The following NBR1 variants were observed in gnomAD, a reference collection of about 807,000 sequenced individuals.
NBR1 encodes NBR1 autophagy cargo receptor.
Under a neutral mutation model 115.5 loss-of-function variants are expected in NBR1, and 59 were observed. That is an observed-to-expected ratio of 0.51 (90% CI 0.41 to 0.63). The LOEUF (loss-of-function observed/expected upper bound fraction) is 0.63. NBR1 is among the 30% of genes least tolerant of loss of function. The pLI is 0.00. For missense variants in NBR1, 1,043 were observed against 1,150.5 expected (o/e 0.91, Z 1.35); for synonymous variants, 373 against 414.7 (o/e 0.90, Z 1.22).
At chr17:43,176,166 T>C (rs1208174680) in intron 2 of NBR1, 1 of 342,678 alleles carries the variant, frequency 2.9e-6, no homozygotes, top group Non-Finnish European at 5.3e-6. Context: ...TTAGAAAACC[T>C]ATTAATTTTA....
intron 5 of NBR1, among the ~76,000 whole-genome samples, chr17:43,181,774 C>T (rs1203082950): frequency 6.6e-6 from 1 of 152,146 alleles, no homozygotes; most frequent in East Asian, 1.9e-4. Flanking sequence ...CACCCAAGGT[C>T]AGCAGTTCAA....
At chr17:43,175,179 A>C (rs1374289974) in intron 1 of NBR1, among the ~76,000 whole-genome samples, 1 of 152,176 alleles carries the variant, frequency 6.6e-6, no homozygotes, top group Non-Finnish European at 1.5e-5. Context: ...GAGGGCATTG[A>C]ATGCTACCTC....
chr17:43,177,572 AACAC>A (rs60320098), intron 2 of NBR1, among the ~76,000 whole-genome samples: 11,287 of 131,122 alleles, frequency 0.086, 520 homozygotes, highest in Middle Eastern at 0.12. Flanking sequence ...CCCCACCCAA[AACAC>A]ACACACACAC....
At chr17:43,183,113 G>T (rs532789441) in intron 5 of NBR1, among the ~76,000 whole-genome samples, 1 of 150,960 alleles carries the variant, frequency 6.6e-6, no homozygotes, top group African/African-American at 2.5e-5. Context: ...GGCTAGTCTT[G>T]AACTTCTAGG....
intron 20 of NBR1, chr17:43,209,449 T>C: frequency 1.2e-6 from 1 of 844,070 alleles, no homozygotes; most frequent in African/African-American, 1.7e-5. Context: ...GCTGTTTTTT[T>C]TGTCCAGCTC....
rs1209053588 is a variant in NBR1 at position 43,200,499 on chromosome 17, G to A, written c.2359G>A (p.Glu787Lys). 1 of 1,613,840 alleles carries A rather than the reference G, an allele frequency of 6.2e-7. No homozygotes were observed. Reference protein sequence around the residue: ...AEAGERLPGGENQPQEHSISD... With the variant: ...AEAGERLPGGKNQPQEHSISD... ...GGCTGGGGAAAGACTCCCTGGAGGG[G>A]AGAACCAGCCACAGGAGCACAGCAT... Residue 787 changes from glutamate to lysine, a missense_variant, in exon 17 of 21, where the codon GAG becomes AAG. By Grantham distance (56) the Glu-to-Lys change is moderately conservative. Transcript: ENST00000590996.
At chr17:43,191,702 AT>A in intron 10 of NBR1, 121 bp downstream of exon 10, 1 of 661,326 alleles carries the variant, frequency 1.5e-6, no homozygotes, top group Non-Finnish European at 2.6e-6. Flanking sequence ...AAAACTTTCC[AT>A]TATCTGGTCT....
intron 6 of NBR1, among the ~76,000 whole-genome samples, 186 bp downstream of exon 6, chr17:43,186,630 A>G (rs2056809365): frequency 6.6e-6 from 1 of 152,118 alleles, no homozygotes; most frequent in African/African-American, 2.4e-5. Flanking sequence ...TCAACCTATC[A>G]TCTACCTTAG....
intron 12 of NBR1, 128 bp from the exon 13 acceptor site, chr17:43,194,222 A>G: frequency 3.4e-6 from 3 of 894,516 alleles, no homozygotes; most frequent in Non-Finnish European, 3.4e-6. Context: ...AACTGTAAAA[A>G]TATATCAAAA....
In NBR1 at chr17:43,189,757, G is replaced by T; in HGVS notation, c.650G>T (p.Cys217Phe). The T allele has an allele frequency of 6.2e-7, 1 of 1,613,980 alleles. No homozygotes were observed. Among genetic ancestry groups the T allele is most frequent in the Non-Finnish European group, 8.5e-7 (1 of 1,179,904 alleles). The change falls in exon 8 of 21, where the codon TGC becomes TTC. Residue 217 changes from cysteine to phenylalanine, a missense_variant. Coordinates refer to ENST00000590996, the MANE Select transcript of NBR1 (RefSeq NM_005899.5). ...AACCAGTTCAGCTGGCATATTGCTT[G>T]CAACAACTGCCAAAGAAGGATTGTT... Reference protein sequence around the residue: ...PENQFSWHIACNNCQRRIVGV... With the variant: ...PENQFSWHIAFNNCQRRIVGV...
Position 43,189,679 on chromosome 17 carries a change from G to T in NBR1, c.572G>T (p.Cys191Phe), listed in dbSNP as rs1173021905. 1 of 1,613,874 alleles carries T rather than the reference G, an allele frequency of 6.2e-7. No individual in the cohort carries two copies. Among genetic ancestry groups the T allele is most frequent in the East Asian group, 2.2e-5 (1 of 44,896 alleles). ...LVLQNPSLGS[C>F]PSEVSMPTSE... The stretch of plus-strand genomic sequence containing the variant: ...CTCCAGAACCCATCCTTGGGTTCTT[G>T]TCCCTCAGAAGTCTCAATGCCTACT... The change falls in exon 8 of 21, where the codon TGT (cysteine) becomes TTT (phenylalanine). Residue 191 changes from cysteine to phenylalanine, a missense_variant. Coordinates refer to ENST00000590996, the MANE Select transcript of NBR1 (RefSeq NM_005899.5).
chr17:43,191,548 G>C lies in NBR1; in HGVS notation c.1040G>C (p.Arg347Pro), dbSNP rs529923127. Residue 347 changes from arginine (R) to proline (P), a missense_variant, in exon 10 of 21, where the codon CGA becomes CCA. Arg to Pro is a moderately radical substitution (Grantham distance 103). Coordinates refer to ENST00000590996, the MANE Select transcript of NBR1 (RefSeq NM_005899.5). ...GLQSPKSPLG[R>P]PESLLQSNTL... ...CAGAGCCCCAAGTCTCCTTTAGGCC[G>C]ACCTGAGAGCTTGCTCCAGTCTAAT... 22 of 1,612,728 alleles carry C rather than the reference G, an allele frequency of 1.4e-5. No homozygotes were observed. Among genetic ancestry groups the C allele is most frequent in the Non-Finnish European group, 1.9e-5 (22 of 1,179,426 alleles).
At chr17:43,180,534 G>A (rs769706633) in intron 4 of NBR1, among the ~76,000 whole-genome samples, 7 of 152,154 alleles carry the variant, frequency 4.6e-5, no homozygotes, top group Non-Finnish European at 8.8e-5. Context: ...TAGTGGCCCT[G>A]TGGTGCCCTG....
chr17:43,205,451 G>C (rs2057295269), intron 20 of NBR1, among the ~76,000 whole-genome samples: 1 of 152,188 alleles, frequency 6.6e-6, no homozygotes, highest in African/African-American at 2.4e-5. Flanking sequence ...TGCCTGAACT[G>C]AGTCCTAAAG....
At chr17:43,185,670 T>A (rs996930479) in intron 5 of NBR1, among the ~76,000 whole-genome samples, 17 of 151,930 alleles carry the variant, frequency 1.1e-4, no homozygotes, top group Non-Finnish European at 2.1e-4. Context: ...CCAACATGGG[T>A]GACAGAGCAA....
In NBR1 at chr17:43,180,945, T is replaced by G. The variant is rs1316811883; in HGVS notation, c.207+128T>G. 3.1e-6 allele frequency: 3 copies of G among 970,462 alleles called. No individual in the cohort carries two copies. The African/African-American group carries it at 5.1e-5, about 17-fold the overall frequency. 60.1% of individuals were successfully genotyped at this position (970,462 alleles called of 1,614,324 possible). A position where few individuals can be genotyped will look rare whatever the true frequency, so the allele number is the denominator to read the frequency against. On this transcript the variant is annotated intron_variant, in intron 5 of 20. Coordinates refer to ENST00000590996, the MANE Select transcript of NBR1 (RefSeq NM_005899.5). ...GGTGTGCAGTGGCACAATCTGGGGT[T>G]GCTGCAGTCTTCACCTCCCAGGCTT...
chr17:43,175,655 T>C, intron 1 of NBR1, 136 bp from the exon 2 acceptor site: 1 of 395,980 alleles, frequency 2.5e-6, no homozygotes, highest in Non-Finnish European at 4.3e-6. Context: ...ACAGTGTTTC[T>C]TTTGTTCATT....
At chr17:43,182,296 C>A (rs2056690533) in intron 5 of NBR1, among the ~76,000 whole-genome samples, 2 of 141,376 alleles carry the variant, frequency 1.4e-5, no homozygotes, top group South Asian at 4.5e-4. Flanking sequence ...TGGCTCACTG[C>A]AACCTCCACC....
chr17:43,199,824 T>C (rs2057154914), intron 16 of NBR1, among the ~76,000 whole-genome samples: 1 of 152,172 alleles, frequency 6.6e-6, no homozygotes, highest in African/African-American at 2.4e-5. Flanking sequence ...TTTATAGCAC[T>C]GTTAGTGTAT....
Sources: gnomAD v4.1 joint callset for allele counts (sites outside exome capture counted in the v4.1 genomes callset) on GRCh38, gnomAD v4.1.1 for gene constraint, MANE v1.5 for transcripts, NCBI Gene and HGNC (gene_info 2026-07-23, HGNC 2026-07-21) for gene names.